Variants in RSPO2 observed in about 807,000 individuals in gnomAD.
RSPO2 encodes R-spondin-2.
Under a neutral mutation model 30.9 loss-of-function variants are expected in RSPO2, and 14 were observed. The ratio of observed to expected loss-of-function variants is 0.45; its 90% CI spans 0.30 to 0.71. RSPO2 has a LOEUF of 0.71. Among genes scored for constraint, RSPO2 ranks in the 30% least tolerant of loss-of-function variants. The pLI, the probability that RSPO2 is intolerant of heterozygous loss-of-function variation, is 0.08. For synonymous variants in RSPO2, 107 were observed against 96.4 expected (o/e 1.11, Z -0.64); for missense variants, 264 against 301.9 (o/e 0.87, Z 0.93).
chr8:107,981,071 T>C (rs752465479), intron 3 of RSPO2, among the ~76,000 whole-genome samples: 1 of 152,222 alleles, frequency 6.6e-6, no homozygotes, highest in African/African-American at 2.4e-5. Flanking sequence ...TGTATCTTTA[T>C]AGATCTTCAA....
chr8:107,983,217 CA>C, intron 3 of RSPO2: 1 of 1,578,042 alleles, frequency 6.3e-7, no homozygotes, highest in Non-Finnish European at 8.6e-7. Context: ...TTTCTTGTCA[CA>C]AAAAGGCTGC....
chr8:108,039,104 G>A (rs1811680005), intron 2 of RSPO2, among the ~76,000 whole-genome samples: 1 of 152,138 alleles, frequency 6.6e-6, no homozygotes, highest in Non-Finnish European at 1.5e-5. Context: ...CACAAGGCTA[G>A]ATTGAATCAT....
intron 2 of RSPO2, among the ~76,000 whole-genome samples, chr8:108,073,717 G>T (rs1276220476): frequency 1.3e-5 from 2 of 152,170 alleles, no homozygotes; most frequent in African/African-American, 4.8e-5. Flanking sequence ...ACTCTTTAGT[G>T]GGATTGAGAG....
At chr8:108,016,829 C>G (rs1176284234) in intron 2 of RSPO2, among the ~76,000 whole-genome samples, 1 of 152,032 alleles carries the variant, frequency 6.6e-6, no homozygotes, top group Non-Finnish European at 1.5e-5. Context: ...CGCGCTCCTG[C>G]TCTGGCCATG....
intron 3 of RSPO2, among the ~76,000 whole-genome samples, chr8:107,988,027 A>G (rs931597284): frequency 3.3e-5 from 5 of 151,900 alleles, no homozygotes; most frequent in Non-Finnish European, 7.4e-5. Context: ...TATCCTTTCT[A>G]TCCCCTAAAA....
rs1813484603 is a variant in RSPO2 at position 107,958,073 on chromosome 8, C to T, written c.616+7G>A. ...CAGCACACAGTAGTGATTATATCCACACCTACCTCCTGGACAATGCCTCAT... is the reference window on the plus strand; with the variant it reads ...CAGCACACAGTAGTGATTATATCCATACCTACCTCCTGGACAATGCCTCAT... On this transcript the variant is annotated splice_region_variant and intron_variant, in intron 5 of 5. Coordinates refer to ENST00000276659, the MANE Select transcript of RSPO2 (RefSeq NM_178565.5). 4.4e-6 allele frequency: 7 copies of T among 1,607,074 alleles called. No homozygotes were observed. Among genetic ancestry groups the T allele is most frequent in the Non-Finnish European group, 6.0e-6 (7 of 1,174,454 alleles).
chr8:107,921,713 A>G (rs1242055454), intron 5 of RSPO2, among the ~76,000 whole-genome samples: 3 of 152,126 alleles, frequency 2.0e-5, no homozygotes, highest in Non-Finnish European at 4.4e-5. Context: ...TCAACAAAAT[A>G]CTGGCAAACT....
At chr8:107,995,432 T>C (rs1586611185) in intron 2 of RSPO2, among the ~76,000 whole-genome samples, 1 of 152,264 alleles carries the variant, frequency 6.6e-6, no homozygotes, top group African/African-American at 2.4e-5. Flanking sequence ...CATCATACTG[T>C]ACCTGTTGGG....
chr8:107,994,344 T>C (rs1180097643), intron 2 of RSPO2, among the ~76,000 whole-genome samples: 1 of 152,152 alleles, frequency 6.6e-6, no homozygotes, highest in Non-Finnish European at 1.5e-5. Context: ...ACACCTCTTT[T>C]GAAGATTCCA....
chr8:107,927,827 A>G (rs1056368729), intron 5 of RSPO2, among the ~76,000 whole-genome samples: 1 of 152,134 alleles, frequency 6.6e-6, no homozygotes, highest in African/African-American at 2.4e-5. Flanking sequence ...TTTTGTATCG[A>G]TGTTCATCAG....
At chr8:108,052,626 G>A (rs1477227263) in intron 2 of RSPO2, among the ~76,000 whole-genome samples, 2 of 152,118 alleles carry the variant, frequency 1.3e-5, no homozygotes, top group African/African-American at 4.8e-5. Flanking sequence ...AATTCAACTA[G>A]CAGCAGCTAA....
chr8:107,919,250 C>T (rs1355619937), intron 5 of RSPO2, among the ~76,000 whole-genome samples: 1 of 152,062 alleles, frequency 6.6e-6, no homozygotes. Flanking sequence ...TGTTATAAAA[C>T]CCAAAAGGAG....
At position 107,971,186 on chromosome 8, in the gene RSPO2, T is replaced by C. The variant is rs555351561; in HGVS notation, c.284-10369A>G. Among the ~76,000 whole-genome samples, 6 of 152,332 alleles carry C rather than the reference T, an allele frequency of 3.9e-5. No homozygotes were observed. The South Asian group carries it at 1.0e-3, about 26-fold the overall frequency. On this transcript the variant is annotated intron_variant, in intron 3 of 5. Coordinates refer to ENST00000276659, the MANE Select transcript of RSPO2 (RefSeq NM_178565.5). ...AACGATGTTGCCTAACTTGGGCCTA[T>C]GTTGAAATAATAGGCTCACTTACAA...
rs181287540 is a variant in RSPO2, at chr8:108,041,638, T to A, written c.94+40907A>T. ...GTGGGCTTTCAGTGAACATCTTTAATCTTATTAGTAAATTAAGTGACAGGG... is the reference window on the plus strand; with the variant it reads ...GTGGGCTTTCAGTGAACATCTTTAAACTTATTAGTAAATTAAGTGACAGGG... On this transcript the variant is annotated intron_variant, in intron 2 of 5. Transcript: ENST00000276659. 2.6e-5 allele frequency among the ~76,000 whole-genome samples: 4 copies of A among 152,282 alleles called. No individual in the cohort carries two copies. The East Asian group carries it at 7.7e-4, about 29-fold the overall frequency.
chr8:108,041,034 T>G (rs1177353942), intron 2 of RSPO2, among the ~76,000 whole-genome samples: 3 of 151,990 alleles, frequency 2.0e-5, no homozygotes, highest in Non-Finnish European at 4.4e-5. Context: ...GAAATCAATT[T>G]AGGACTAGTT....
chr8:107,962,118 T>C (rs1296555978), intron 3 of RSPO2, among the ~76,000 whole-genome samples: 1 of 152,162 alleles, frequency 6.6e-6, no homozygotes, highest in African/African-American at 2.4e-5. Flanking sequence ...ACATCACATG[T>C]ATTCATTTTA....
intron 5 of RSPO2, among the ~76,000 whole-genome samples, chr8:107,935,043 G>C (rs1005435782): frequency 1.3e-5 from 2 of 152,164 alleles, no homozygotes; most frequent in Non-Finnish European, 2.9e-5. Context: ...GGATGGCTGC[G>C]ATTTTCAGGG....
chr8:108,049,203 A>G (rs1811999330), intron 2 of RSPO2, among the ~76,000 whole-genome samples: 1 of 151,928 alleles, frequency 6.6e-6, no homozygotes, highest in Non-Finnish European at 1.5e-5. Context: ...CCTATGTATC[A>G]AACCTGCACG....
chr8:108,076,464 G>A (rs981734221), intron 2 of RSPO2, among the ~76,000 whole-genome samples: 17 of 152,182 alleles, frequency 1.1e-4, no homozygotes, highest in Non-Finnish European at 1.2e-4. Flanking sequence ...ATGAGAGCCT[G>A]AGCTAGGAAA....
Sources: allele counts gnomAD v4.1 joint callset (sites outside exome capture counted in the v4.1 genomes callset), GRCh38; gene constraint gnomAD v4.1.1; transcripts MANE v1.5; gene names NCBI Gene and HGNC (gene_info 2026-07-23, HGNC 2026-07-21).